MYH11: variants seen among roughly 807,000 people sequenced by gnomAD.
The protein encoded by MYH11 is myosin-11.
A neutral mutation model predicts 246.6 loss-of-function variants in MYH11; 80 were observed. That is an observed-to-expected ratio of 0.32 (90% CI 0.27 to 0.39). The LOEUF (loss-of-function observed/expected upper bound fraction) is 0.39, where lower values mean the gene tolerates loss of function less well. Among genes scored for constraint, MYH11 ranks in the 10% least tolerant of loss-of-function variants. The probability of loss-of-function intolerance (pLI) is 1.00; values close to 1 mark genes in which losing one functional copy is unlikely to be tolerated. For synonymous variants in MYH11, 1,071 were observed against 1,015.5 expected (o/e 1.05, Z -1.04); for missense variants, 2,158 against 2,546.8 (o/e 0.85, Z 3.29).
intron 1 of MYH11, among the ~76,000 whole-genome samples, chr16:15,851,427 C>T (rs2044325730): frequency 6.6e-6 from 1 of 152,148 alleles, no homozygotes; most frequent in Non-Finnish European, 1.5e-5. Flanking sequence ...TGCTATTTTC[C>T]TGCTAAGATG....
intron 26 of MYH11, among the ~76,000 whole-genome samples, chr16:15,733,661 G>A (rs1358138532): frequency 6.6e-6 from 1 of 151,738 alleles, no homozygotes; most frequent in African/African-American, 2.4e-5. Flanking sequence ...TCCTGCCTCA[G>A]TCTCCCAAGT....
chr16:15,731,142 GAAATT>G (rs1487741722), intron 27 of MYH11, among the ~76,000 whole-genome samples: 4 of 152,218 alleles, frequency 2.6e-5, no homozygotes, highest in Non-Finnish European at 5.9e-5. Context: ...AGTCTGCAGA[GAAATT>G]AAAGTGGATA....
At chr16:15,748,026 G>A in intron 17 of MYH11, 21 bp downstream of exon 17, 2 of 1,614,168 alleles carry the variant, frequency 1.2e-6, no homozygotes, top group Non-Finnish European at 1.7e-6. Context: ...TGCCCTACCT[G>A]GGCCAGACCT....
intron 38 of MYH11, among the ~76,000 whole-genome samples, chr16:15,716,045 G>A (rs1458907989): frequency 2.0e-5 from 3 of 152,054 alleles, no homozygotes; most frequent in East Asian, 3.9e-4. Flanking sequence ...AGGTTGCAGT[G>A]AGCTGAGATC....
intron 14 of MYH11, among the ~76,000 whole-genome samples, chr16:15,756,045 C>A (rs1233303224): frequency 6.6e-6 from 1 of 152,230 alleles, no homozygotes; most frequent in African/African-American, 2.4e-5. Context: ...CTGTAGTGAG[C>A]TATGATCGCA....
Position 15,745,177 on chromosome 16 carries a change from G to A in MYH11, c.2472C>T (p.Ala824=), listed in dbSNP as rs1050113. ...TAMKVIQRNC[A]AYLKLRNWQW... ...GCCAGTTCCGCAGCTTGAGGTAGGC[G>A]GCGCAGTTCCTCTGAATCACCTTCA... The change falls in exon 20 of 41, where the codon GCC becomes GCT. Residue 824 remains alanine, a synonymous_variant. Coordinates refer to ENST00000300036, the MANE Select transcript of MYH11 (RefSeq NM_002474.3). The A allele has an allele frequency of 0.32, 519,203 of 1,613,450 alleles. 86,788 individuals are homozygous for A. Among genetic ancestry groups the A allele is most frequent in the East Asian group, 0.43 (19,131 of 44,834 alleles).
intron 1 of MYH11, among the ~76,000 whole-genome samples, chr16:15,849,377 A>G (rs977155319): frequency 1.3e-5 from 2 of 152,180 alleles, no homozygotes; most frequent in Non-Finnish European, 2.9e-5. Context: ...CACCTTTGGC[A>G]TTAGCGATGT....
At position 15,726,758 on chromosome 16, in the gene MYH11, A is replaced by G. The variant is rs531029786; in HGVS notation, c.3858+90T>C. ...AGGAAAGGACTTGCCTTGCAGCAAG[A>G]GAGACCTCAGCGAGCCGGGAAGAGG... On this transcript the variant is annotated intron_variant, in intron 28 of 40. Transcript: ENST00000300036. The G allele has an allele frequency of 2.2e-5, 32 of 1,474,410 alleles. No individual in the cohort carries two copies. In the African/African-American group the frequency reaches 4.3e-4, roughly 20 times the overall value. 91.3% of individuals were successfully genotyped at this position (1,474,410 alleles called of 1,614,324 possible). A position where few individuals can be genotyped will look rare whatever the true frequency, so the allele number is the denominator to read the frequency against.
intron 10 of MYH11, among the ~76,000 whole-genome samples, chr16:15,762,550 GCTCATCTGATCT>G (rs2041892466): frequency 1.3e-5 from 2 of 152,002 alleles, no homozygotes; most frequent in East Asian, 3.9e-4. Flanking sequence ...CGAGAAACTG[GCTCATCTGATCT>G]TATGGCCTCT....
Position 15,726,735 on chromosome 16 carries a change from G to A in MYH11, c.3858+113C>T, listed in dbSNP as rs145688069. 2.1e-3 allele frequency: 2,684 copies of A among 1,271,906 alleles called. 47 individuals carry two copies. The African/African-American group carries it at 0.035, about 16-fold the overall frequency. 78.8% of individuals were successfully genotyped at this position (1,271,906 alleles called of 1,614,324 possible). On this transcript the variant is annotated intron_variant, in intron 28 of 40. Transcript: ENST00000300036. ...CTCTCCTCCAGGAACGCAACTAGAG[G>A]AAAGGACTTGCCTTGCAGCAAGAGA...
intron 2 of MYH11, among the ~76,000 whole-genome samples, chr16:15,824,574 C>T (rs971683335): frequency 6.6e-6 from 1 of 152,202 alleles, no homozygotes; most frequent in African/African-American, 2.4e-5. Flanking sequence ...AACCACCGCA[C>T]TCAGCCAGAG....
chr16:15,739,493 C>T (rs995853394), intron 23 of MYH11, among the ~76,000 whole-genome samples: 2 of 152,138 alleles, frequency 1.3e-5, no homozygotes, highest in Admixed American at 6.6e-5. Context: ...CAGTATAAAC[C>T]CCACAAGGGA....
At position 15,719,716 on chromosome 16, in the gene MYH11, G is replaced by C; in HGVS notation, c.4954-3C>G. The stretch of plus-strand genomic sequence containing the variant: ...CTTTGAAAGTCCTTCATCTGAGCCT[G>C]CATGAGTCAACAGGGAGGACAAGCT... On this transcript the variant is annotated splice_polypyrimidine_tract_variant and splice_region_variant and intron_variant, in intron 34 of 40. Coordinates refer to ENST00000300036, the MANE Select transcript of MYH11 (RefSeq NM_002474.3). 2 of 1,614,116 alleles carry C rather than the reference G, an allele frequency of 1.2e-6. No homozygotes were observed. The highest frequency in any genetic ancestry group is 1.7e-6 in the Non-Finnish European group (2 of 1,180,036).
At chr16:15,735,279 C>T (rs1046463942) in intron 26 of MYH11, 87 bp downstream of exon 26, 16 of 1,458,196 alleles carry the variant, frequency 1.1e-5, no homozygotes, top group South Asian at 5.7e-5. Flanking sequence ...GGCTGATGCA[C>T]GATTTGCTTT....
chr16:15,813,341 C>T (rs1238416560), intron 3 of MYH11, among the ~76,000 whole-genome samples: 2 of 152,036 alleles, frequency 1.3e-5, no homozygotes, highest in Non-Finnish European at 2.9e-5. Flanking sequence ...AGAGCAAGAC[C>T]CTGTCTCTAA....
At position 15,724,667 on chromosome 16, in the gene MYH11, T is replaced by C. The variant is rs147127121; in HGVS notation, c.4096A>G (p.Ile1366Val). The change falls in exon 30 of 41, where the codon ATC becomes GTC. Residue 1366 changes from isoleucine (I) to valine (V), a missense_variant. By Grantham distance (29) the Ile-to-Val change is conservative. This residue lies in a region of MYH11 where 1,013 missense variants were observed against 993.5 expected (regional missense o/e 1.02). Coordinates refer to ENST00000300036, the MANE Select transcript of MYH11 (RefSeq NM_002474.3). ...MEAKQNLERHISTLNIQLSDS... is the reference protein window; with the variant it reads ...MEAKQNLERHVSTLNIQLSDS... Reference sequence around the variant, plus strand: ...GGCACCTGGATGTTGAGAGTGGAGATGTGGCGCTCCAGGTTCTGCTTGGCC... The same window carrying C: ...GGCACCTGGATGTTGAGAGTGGAGACGTGGCGCTCCAGGTTCTGCTTGGCC... The C allele has an allele frequency of 8.1e-6, 13 of 1,614,054 alleles. No homozygotes were observed. In the African/African-American group the frequency reaches 1.7e-4, roughly 22 times the overall value.
At chr16:15,842,762 CAAAA>C (rs757920488) in intron 1 of MYH11, among the ~76,000 whole-genome samples, 57 of 19,658 alleles carry the variant, frequency 2.9e-3, no homozygotes, top group African/African-American at 5.9e-3. Flanking sequence ...AGACTTCATC[CAAAA>C]AAAAAAAAAA....
rs551396197 is a variant in MYH11, at chr16:15,728,997, C to T, written c.3652-1943G>A. ...GAGAAGCGCAAGTATCCCGAGAGGA[C>T]GAGACCCACCACTCAGTCTTCCCAT... On this transcript the variant is annotated intron_variant, in intron 27 of 40. Coordinates refer to ENST00000300036, the MANE Select transcript of MYH11 (RefSeq NM_002474.3). Among the ~76,000 whole-genome samples the T allele has an allele frequency of 1.3e-4, 20 of 152,098 alleles. No individual in the cohort carries two copies. The South Asian group carries it at 2.7e-3, about 21-fold the overall frequency.
At position 15,769,238 on chromosome 16, in the gene MYH11, C is replaced by T. The variant is rs139136473; in HGVS notation, c.1033+2331G>A. On this transcript the variant is annotated intron_variant, in intron 9 of 40. Transcript: ENST00000300036. The stretch of plus-strand genomic sequence containing the variant: ...GGCTCAGCCAAGAGAATTGCTTGAA[C>T]CCAGGAGGCAGAGGTTGCAGTGAGC... 4.4e-3 allele frequency among the ~76,000 whole-genome samples: 675 copies of T among 152,310 alleles called. 23 individuals carry two copies. The East Asian group carries it at 0.094, about 21-fold the overall frequency.
Sources: gnomAD v4.1 joint callset for allele counts (sites outside exome capture counted in the v4.1 genomes callset) on GRCh38, gnomAD v4.1.1 for gene constraint, gnomAD v4.1.1 regional missense constraint, MANE v1.5 for transcripts, NCBI Gene and HGNC (gene_info 2026-07-23, HGNC 2026-07-21) for gene names.